The following DSCAM variants were observed in gnomAD, a reference collection of about 807,000 sequenced individuals.
DSCAM encodes the protein cell adhesion molecule DSCAM.
Under a neutral mutation model 217.7 loss-of-function variants are expected in DSCAM, and 47 were observed. That is an observed-to-expected ratio of 0.22 (90% CI 0.17 to 0.28). The LOEUF is 0.28. Among genes scored for constraint, DSCAM ranks in the 10% least tolerant of loss-of-function variants. DSCAM has a pLI of 1.00. For missense variants in DSCAM, 2,080 were observed against 2,618.3 expected, an observed-to-expected ratio of 0.79 and a Z score of 4.49; for synonymous variants, 1,056 against 1,015.3, an observed-to-expected ratio of 1.04 and a Z score of -0.76.
chr21:40,028,605 C>T (rs937859588), intron 32 of DSCAM, among the ~76,000 whole-genome samples: 8 of 152,132 alleles, frequency 5.3e-5, no homozygotes, highest in African/African-American at 1.4e-4. Flanking sequence ...GGGAGTGACC[C>T]GATTTTCCAG....
At chr21:40,444,268 G>A (rs2142077) in intron 3 of DSCAM, among the ~76,000 whole-genome samples, 103,539 of 152,018 alleles carry the variant, frequency 0.68, 35,660 homozygotes, top group Middle Eastern at 0.81. Context: ...TGTTGACTTT[G>A]GAGTCCGACA....
At chr21:40,460,358 C>A (rs1457898191) in intron 3 of DSCAM, among the ~76,000 whole-genome samples, 1 of 152,042 alleles carries the variant, frequency 6.6e-6, no homozygotes, top group African/African-American at 2.4e-5. Flanking sequence ...TCCAGAGATA[C>A]AAATGACAAA....
intron 1 of DSCAM, among the ~76,000 whole-genome samples, chr21:40,818,069 G>C (rs1415700325): frequency 7.6e-6 from 1 of 132,336 alleles, no homozygotes; most frequent in Admixed American, 8.1e-5. Context: ...GCAGTCCGCA[G>C]TCCGGCCTGG....
At chr21:40,489,354 G>C (rs2076055667) in intron 3 of DSCAM, among the ~76,000 whole-genome samples, 2 of 152,188 alleles carry the variant, frequency 1.3e-5, no homozygotes, top group Admixed American at 1.3e-4. Flanking sequence ...GTCCCCTGCT[G>C]ACTTTGAACT....
chr21:40,614,078 G>C (rs766169602), intron 3 of DSCAM, among the ~76,000 whole-genome samples: 13 of 152,130 alleles, frequency 8.5e-5, no homozygotes, highest in Non-Finnish European at 1.2e-4. Flanking sequence ...CTGTCAACCA[G>C]TCCCACCCCA....
At chr21:40,442,263 T>A (rs1427281465) in intron 3 of DSCAM, among the ~76,000 whole-genome samples, 1 of 152,094 alleles carries the variant, frequency 6.6e-6, no homozygotes, top group Non-Finnish European at 1.5e-5. Context: ...TATATATACA[T>A]TTACATGCAT....
chr21:40,462,118 T>C (rs2075810686), intron 3 of DSCAM, among the ~76,000 whole-genome samples: 1 of 152,112 alleles, frequency 6.6e-6, no homozygotes, highest in Admixed American at 6.5e-5. Context: ...GCAGATGGGA[T>C]TTTTAACCCA....
At chr21:40,210,726 G>T (rs750548099) in intron 11 of DSCAM, among the ~76,000 whole-genome samples, 1 of 152,138 alleles carries the variant, frequency 6.6e-6, no homozygotes, top group Non-Finnish European at 1.5e-5. Flanking sequence ...TGTATTTTTA[G>T]TGGAGATAGG....
intron 20 of DSCAM, among the ~76,000 whole-genome samples, chr21:40,114,144 G>A (rs1310358177): frequency 2.2e-4 from 33 of 148,536 alleles, no homozygotes; most frequent in African/African-American, 3.4e-4. Context: ...GAGGCATCAC[G>A]CTACCTGACT....
rs539487203 is a variant in DSCAM, at chr21:40,636,707, AG to A, written c.508+56102del. On this transcript the variant is annotated intron_variant, in intron 3 of 32. Transcript: ENST00000400454. ...TATAAATTAAATGACATAACTTGCT[AG>A]GAAAAAAAAAATGCCACGCTAGTCT... 4.4e-3 allele frequency among the ~76,000 whole-genome samples: 644 copies of A among 146,184 alleles called. 2 individuals carry two copies. The highest frequency in any genetic ancestry group is 5.0e-3 in the Non-Finnish European group (325 of 65,346).
chr21:40,822,933 T>C (rs1443492022), intron 1 of DSCAM, among the ~76,000 whole-genome samples: 1 of 152,132 alleles, frequency 6.6e-6, no homozygotes, highest in Non-Finnish European at 1.5e-5. Flanking sequence ...GCGGATCACT[T>C]GAGGTCAAGA....
At chr21:40,235,818 T>C (rs1601468565) in intron 11 of DSCAM, among the ~76,000 whole-genome samples, 1 of 152,150 alleles carries the variant, frequency 6.6e-6, no homozygotes, top group East Asian at 1.9e-4. Flanking sequence ...ACAGCCATCA[T>C]CATTACTGAG....
intron 2 of DSCAM, among the ~76,000 whole-genome samples, chr21:40,701,797 C>G (rs954457814): frequency 6.6e-6 from 1 of 152,028 alleles, no homozygotes; most frequent in East Asian, 1.9e-4. Context: ...ATATTTTATA[C>G]AACTTGAATT....
Position 40,347,878 on chromosome 21 carries a change from G to T in DSCAM, c.1002C>A (p.Ser334=). The change falls in exon 6 of 33, where the codon TCC becomes TCA. Residue 334 remains serine (S), a synonymous_variant. Coordinates refer to ENST00000400454, the MANE Select transcript of DSCAM (RefSeq NM_001389.5). ...GGTCCTCAGTTCCTGTCACGCTGCAGGACAAGGAAACTTGGCTACCCACGC... is the reference window on the plus strand; with the variant it reads ...GGTCCTCAGTTCCTGTCACGCTGCATGACAAGGAAACTTGGCTACCCACGC... The part of the protein sequence containing the change: ...KSSVGSQVSL[S]CSVTGTEDQE... 1 of 1,614,072 alleles carries T rather than the reference G, an allele frequency of 6.2e-7. No individual in the cohort carries two copies. The highest frequency in any genetic ancestry group is 8.5e-7 in the Non-Finnish European group (1 of 1,179,976).
At chr21:40,014,628 A>ACCCTCTT (rs1368316495) in intron 32 of DSCAM, among the ~76,000 whole-genome samples, 5 of 152,118 alleles carry the variant, frequency 3.3e-5, no homozygotes, top group African/African-American at 4.8e-5. Flanking sequence ...CCGCAGCCTG[A>ACCCTCTT]CGTGCCTCCA....
At chr21:40,663,841 G>C (rs893114393) in intron 3 of DSCAM, among the ~76,000 whole-genome samples, 1 of 152,112 alleles carries the variant, frequency 6.6e-6, no homozygotes, top group Non-Finnish European at 1.5e-5. Flanking sequence ...GTTACTCCTG[G>C]AGTTTTCAGT....
intron 3 of DSCAM, among the ~76,000 whole-genome samples, chr21:40,574,435 A>C (rs1381635375): frequency 6.6e-6 from 1 of 152,218 alleles, no homozygotes; most frequent in African/African-American, 2.4e-5. Context: ...TTTTATGAGA[A>C]ATACTCAAAA....
chr21:40,655,737 G>A (rs1415902693), intron 3 of DSCAM, among the ~76,000 whole-genome samples: 1 of 152,020 alleles, frequency 6.6e-6, no homozygotes. Flanking sequence ...ACAGGCATGA[G>A]CCACTATTCA....
chr21:40,664,416 G>A lies in DSCAM; in HGVS notation c.508+28394C>T, dbSNP rs956520008. ...GAAGTTCCCTGCCCTGTTTCCCCCC[G>A]GGATGAAGTTGCAGATCACTTGGAG... On this transcript the variant is annotated intron_variant, in intron 3 of 32. Transcript: ENST00000400454. Among the ~76,000 whole-genome samples the A allele has an allele frequency of 4.7e-4, 71 of 152,132 alleles. 1 individual carries two copies. The highest frequency in any genetic ancestry group is 9.3e-4 in the Non-Finnish European group (63 of 68,036).
Sources: gnomAD v4.1 joint callset for allele counts (sites outside exome capture counted in the v4.1 genomes callset) on GRCh38, gnomAD v4.1.1 for gene constraint, MANE v1.5 for transcripts, NCBI Gene and HGNC (gene_info 2026-07-23, HGNC 2026-07-21) for gene names.